Variants in NDUFAF6 observed in about 807,000 individuals in gnomAD.
NDUFAF6 encodes the protein NADH dehydrogenase (ubiquinone) complex I, assembly factor 6.
Under a neutral mutation model 40.8 loss-of-function variants are expected in NDUFAF6, and 45 were observed. The ratio of observed to expected loss-of-function variants is 1.10; its 90% CI spans 0.87 to 1.42. The LOEUF is 1.42. Among genes scored for constraint, NDUFAF6 ranks in the 40% most tolerant of loss-of-function variants. The probability of loss-of-function intolerance (pLI) is 0.00; values close to 1 mark genes in which losing one functional copy is unlikely to be tolerated. For missense variants in NDUFAF6, 435 were observed against 418.5 expected, an observed-to-expected ratio of 1.04 and a Z score of -0.34; for synonymous variants, 185 against 155.9, an observed-to-expected ratio of 1.19 and a Z score of -1.39.
At chr8:94,904,268 C>G (rs576728288) in intron 1 of NDUFAF6, among the ~76,000 whole-genome samples, 1 of 147,664 alleles carries the variant, frequency 6.8e-6, no homozygotes, top group Non-Finnish European at 1.5e-5. Flanking sequence ...CTCAGCCTCC[C>G]GAGTAGCTGG....
Position 95,025,160 on chromosome 8 carries a change from G to T in NDUFAF6, c.152G>T (p.Gly51Val). The T allele has an allele frequency of 6.7e-7, 1 of 1,483,708 alleles. No individual in the cohort carries two copies. The highest frequency in any genetic ancestry group is 1.5e-5 in the African/African-American group (1 of 68,496). The allele number at this position is 1,483,708 out of a possible 1,614,324, so 91.9% of individuals were successfully genotyped here. A position where few individuals can be genotyped will look rare whatever the true frequency, so the allele number is the denominator to read the frequency against. The change falls in exon 1 of 9, where the codon GGA becomes GTA. Residue 51 changes from glycine to valine, a missense_variant. By Grantham distance (109) the Gly-to-Val change is moderately radical. Coordinates refer to ENST00000396124, the MANE Select transcript of NDUFAF6 (RefSeq NM_152416.4). The stretch of plus-strand genomic sequence containing the variant: ...GGGCGGAGCGTGGCTGCGGCCAGCG[G>T]ACCGGGCGCCTGGGGCACTGACCAC... ...VSGRSVAAAS[G>V]PGAWGTDHYC...
At chr8:95,036,925 G>T (rs1829570727) in intron 3 of NDUFAF6, among the ~76,000 whole-genome samples, 1 of 152,200 alleles carries the variant, frequency 6.6e-6, no homozygotes, top group Non-Finnish European at 1.5e-5. Flanking sequence ...CAGTGCAGTT[G>T]TCCTTGCTGC....
At chr8:95,074,771 A>T (rs1022152953) in intron 9 of NDUFAF6, among the ~76,000 whole-genome samples, 2 of 151,722 alleles carry the variant, frequency 1.3e-5, no homozygotes, top group Non-Finnish European at 2.9e-5. Context: ...CCAGATGTGG[A>T]TTTTCTCTGT....
intron 2 of NDUFAF6, among the ~76,000 whole-genome samples, chr8:95,093,233 A>G (rs938450326): frequency 1.3e-5 from 2 of 152,130 alleles, no homozygotes; most frequent in Non-Finnish European, 2.9e-5. Context: ...TACTTTATCT[A>G]TGTCTTGGGT....
intron 1 of NDUFAF6, 116 bp downstream of exon 1, chr8:95,025,321 C>G: frequency 9.2e-7 from 1 of 1,089,150 alleles, no homozygotes; most frequent in Non-Finnish European, 1.2e-6. Context: ...TCCTCGTGCC[C>G]CTCTGGGTGT....
chr8:94,998,253 G>A (rs1056535376), intron 2 of NDUFAF6, among the ~76,000 whole-genome samples: 2 of 152,126 alleles, frequency 1.3e-5, no homozygotes, highest in Non-Finnish European at 2.9e-5. Context: ...GATGCCCCGT[G>A]CACAAAGCAC....
chr8:95,011,645 AT>A (rs1323402286), intron 2 of NDUFAF6, among the ~76,000 whole-genome samples: 10 of 152,160 alleles, frequency 6.6e-5, no homozygotes, highest in Non-Finnish European at 1.0e-4. Flanking sequence ...AAAGTTTTAC[AT>A]AGATCAGATT....
Position 95,025,056 on chromosome 8 carries a change from CAT to C in NDUFAF6, c.49_50del (p.Ile17ProfsTer41). 1.4e-6 allele frequency: 2 copies of C among 1,419,456 alleles called. No homozygotes were observed. The highest frequency in any genetic ancestry group is 3.1e-5 in the South Asian group (2 of 65,442). 87.9% of individuals were successfully genotyped at this position (1,419,456 alleles called of 1,614,324 possible). ...CTGTCTGGGGGCCGTTGCGGCTTGG[CAT>C]CCCCGGCCTGTGCTGCCGCCGGCCG... ...GSVWGPLRLG[I>X]PGLCCRRPPL... On this transcript the variant is annotated frameshift_variant, in exon 1 of 9. Transcript: ENST00000396124. LOFTEE classifies it high-confidence loss of function.
intron 2 of NDUFAF6, among the ~76,000 whole-genome samples, chr8:95,013,960 T>C (rs1162014894): frequency 6.6e-6 from 1 of 152,184 alleles, no homozygotes; most frequent in African/African-American, 2.4e-5. Context: ...ACAGGGAGAA[T>C]GCCATGTAAA....
intron 1 of NDUFAF6, among the ~76,000 whole-genome samples, chr8:94,923,500 A>C (rs1445852964): frequency 6.6e-6 from 1 of 152,000 alleles, no homozygotes; most frequent in Non-Finnish European, 1.5e-5. Context: ...CATCCCCACT[A>C]ACCTATTCCA....
At chr8:95,077,483 A>G (rs2132046193), downstream of NDUFAF6, among the ~76,000 whole-genome samples, 3 of 152,352 alleles carry the variant, frequency 2.0e-5, no homozygotes, top group South Asian at 6.2e-4. Context: ...CAACGTGGAG[A>G]TGCTGGACGA....
chr8:94,903,812 A>G (rs1251379830), intron 1 of NDUFAF6, among the ~76,000 whole-genome samples: 1 of 152,086 alleles, frequency 6.6e-6, no homozygotes, highest in Non-Finnish European at 1.5e-5. Context: ...TTTCTGAACT[A>G]TTTACTCACT....
intron 2 of NDUFAF6, among the ~76,000 whole-genome samples, chr8:95,015,834 G>C (rs1420526647): frequency 6.6e-6 from 1 of 151,874 alleles, no homozygotes; most frequent in Non-Finnish European, 1.5e-5. Flanking sequence ...TTTAGACTGG[G>C]ACCAGGGACT....
At chr8:95,027,511 T>C (rs2131733427) in intron 1 of NDUFAF6, among the ~76,000 whole-genome samples, 1 of 151,088 alleles carries the variant, frequency 6.6e-6, no homozygotes, top group South Asian at 2.1e-4. Flanking sequence ...ACATGGGAGG[T>C]TGAGGCTGCA....
intron 1 of NDUFAF6, among the ~76,000 whole-genome samples, chr8:94,900,671 C>T (rs969365776): frequency 6.6e-6 from 1 of 152,184 alleles, no homozygotes; most frequent in Admixed American, 6.5e-5. Context: ...GGGCCCTGCT[C>T]TCCACTGAGG....
At chr8:95,025,812 T>C (rs1288936631) in intron 1 of NDUFAF6, among the ~76,000 whole-genome samples, 1 of 152,222 alleles carries the variant, frequency 6.6e-6, no homozygotes, top group Non-Finnish European at 1.5e-5. Flanking sequence ...CTGAAGTGTT[T>C]TGTTTGTCGG....
intron 5 of NDUFAF6, among the ~76,000 whole-genome samples, chr8:95,045,940 C>T (rs1830696025): frequency 6.6e-6 from 1 of 152,100 alleles, no homozygotes; most frequent in African/African-American, 2.4e-5. Flanking sequence ...ACTATAGCAT[C>T]TCCTACAATT....
intron 2 of NDUFAF6, among the ~76,000 whole-genome samples, chr8:95,092,755 T>G (rs1347266316): frequency 6.6e-6 from 1 of 152,120 alleles, no homozygotes; most frequent in Non-Finnish European, 1.5e-5. Flanking sequence ...CGGCTAATTT[T>G]TTGTATTTTT....
chr8:95,033,244 T>A (rs1210569231), intron 2 of NDUFAF6, among the ~76,000 whole-genome samples: 1 of 152,052 alleles, frequency 6.6e-6, no homozygotes, highest in Admixed American at 6.6e-5. Flanking sequence ...AGAGTCTTGC[T>A]ATGTTGCCCA....
Sources: allele counts gnomAD v4.1 joint callset (sites outside exome capture counted in the v4.1 genomes callset), GRCh38; gene constraint gnomAD v4.1.1; transcripts MANE v1.5; gene names NCBI Gene and HGNC (gene_info 2026-07-23, HGNC 2026-07-21).